PDS5B: variants seen among roughly 807,000 people sequenced by gnomAD.
PDS5B encodes the protein sister chromatid cohesion protein PDS5 homolog B.
In PDS5B, 51 loss-of-function variants were observed where a neutral mutation model predicts 184.1. That is an observed-to-expected ratio of 0.28 (90% CI 0.22 to 0.35). The LOEUF (loss-of-function observed/expected upper bound fraction) is 0.35. Among genes scored for constraint, PDS5B ranks in the 10% least tolerant of loss-of-function variants. PDS5B has a pLI of 1.00. For synonymous variants in PDS5B, 566 were observed against 569.2 expected, an observed-to-expected ratio of 0.99 and a Z score of 0.08; for missense variants, 1,180 against 1,723.3, an observed-to-expected ratio of 0.68 and a Z score of 5.58.
In PDS5B at chr13:32,701,361, T is replaced by C; in HGVS notation, c.1779T>C (p.Pro593=). ...ITKKLGNPKQ[P]TNPFLEMIKF... is the part of the protein sequence containing the mutation. ...AGAAGTTGGGCAACCCCAAACAGCC[T>C]ACAAATCCTTTCCTGGAAATGATCA... is the stretch of plus-strand genomic sequence containing the variant. The change falls in exon 17 of 35, where the codon CCT becomes CCC. Residue 593 remains proline (P), a synonymous_variant. Coordinates refer to ENST00000315596, the MANE Select transcript of PDS5B (RefSeq NM_015032.4). 1 of 1,612,730 alleles carries C rather than the reference T, an allele frequency of 6.2e-7. No homozygotes were observed. Among genetic ancestry groups the C allele is most frequent in the Non-Finnish European group, 8.5e-7 (1 of 1,178,978 alleles).
intron 17 of PDS5B, 102 bp from the exon 18 acceptor site, chr13:32,706,832 G>A (rs1293956895): frequency 5.9e-6 from 3 of 510,852 alleles, no homozygotes; most frequent in East Asian, 3.3e-5. Flanking sequence ...TATTTGGTTC[G>A]GATATGTATA....
intron 1 of PDS5B, among the ~76,000 whole-genome samples, chr13:32,608,730 T>G (rs949106225): frequency 3.3e-5 from 5 of 152,178 alleles, no homozygotes; most frequent in African/African-American, 1.2e-4. Flanking sequence ...TGGCACACTT[T>G]ACCATGGAAC....
intron 31 of PDS5B, among the ~76,000 whole-genome samples, chr13:32,765,334 A>T (rs1954550444): frequency 6.6e-6 from 1 of 152,240 alleles, no homozygotes; most frequent in African/African-American, 2.4e-5. Flanking sequence ...TAAGTGACTT[A>T]GCCAAAATGA....
rs913634070 is a variant in PDS5B, at chr13:32,678,923, T to C, written c.1051T>C (p.Leu351=). The C allele has an allele frequency of 3.3e-6, 5 of 1,536,332 alleles. No individual in the cohort carries two copies. Among genetic ancestry groups the C allele is most frequent in the Admixed American group, 3.3e-5 (2 of 59,914 alleles). ...LMNHPDLAKD[L]TEYLKVRSHD... ...GAACCATCCTGATTTAGCAAAAGAC[T>C]TAACAGGTACTATATATATGTAACA... The change falls in exon 10 of 35, where the codon TTA becomes CTA. Residue 351 remains leucine, a synonymous_variant. Transcript: ENST00000315596.
At chr13:32,732,072 A>G (rs769899979) in intron 19 of PDS5B, 29 bp from the exon 20 acceptor site, 17 of 1,568,564 alleles carry the variant, frequency 1.1e-5, no homozygotes, top group Non-Finnish European at 1.5e-5. Flanking sequence ...TTTCTGGTTT[A>G]TTGTTTTTCT....
At chr13:32,618,876 T>C (rs1288059106) in intron 1 of PDS5B, among the ~76,000 whole-genome samples, 1 of 152,166 alleles carries the variant, frequency 6.6e-6, no homozygotes, top group Non-Finnish European at 1.5e-5. Context: ...CTTTTTGCCA[T>C]ATGGATAGTT....
intron 1 of PDS5B, among the ~76,000 whole-genome samples, chr13:32,642,101 T>C (rs1396038084): frequency 2.0e-5 from 3 of 152,242 alleles, no homozygotes; most frequent in Non-Finnish European, 4.4e-5. Flanking sequence ...ATCAGTTTTC[T>C]TGTTTTGTAG....
chr13:32,750,485 G>A (rs1209330913), intron 24 of PDS5B, among the ~76,000 whole-genome samples: 1 of 152,060 alleles, frequency 6.6e-6, no homozygotes, highest in Non-Finnish European at 1.5e-5. Flanking sequence ...GAGTATGAGG[G>A]TAGATAACTT....
chr13:32,668,635 T>G (rs1950860192), intron 7 of PDS5B, among the ~76,000 whole-genome samples: 1 of 152,148 alleles, frequency 6.6e-6, no homozygotes, highest in Non-Finnish European at 1.5e-5. Context: ...GTGTAACAGT[T>G]CAGTCCCTCC....
intron 24 of PDS5B, among the ~76,000 whole-genome samples, chr13:32,746,473 A>G (rs1953746661): frequency 6.6e-6 from 1 of 152,162 alleles, no homozygotes; most frequent in Non-Finnish European, 1.5e-5. Flanking sequence ...TTTAAAGACT[A>G]TTTATTATAT....
At chr13:32,648,716 T>C in intron 1 of PDS5B, 38 bp from the exon 2 acceptor site, 1 of 800,476 alleles carries the variant, frequency 1.2e-6, no homozygotes. Context: ...TGTTTATATC[T>C]ATTTTTTGGT....
chr13:32,696,665 A>G (rs1951716112), intron 14 of PDS5B, among the ~76,000 whole-genome samples, 189 bp from the exon 15 acceptor site: 1 of 152,158 alleles, frequency 6.6e-6, no homozygotes, highest in Admixed American at 6.5e-5. Context: ...AAAGTAGAGA[A>G]GGAGTTTACT....
chr13:32,602,596 G>A (rs536968303), intron 1 of PDS5B, among the ~76,000 whole-genome samples: 6 of 152,082 alleles, frequency 3.9e-5, no homozygotes, highest in Admixed American at 1.3e-4. Flanking sequence ...ACTTATAATC[G>A]TTTGGGTATA....
chr13:32,750,552 C>CT (rs985475400), intron 24 of PDS5B, among the ~76,000 whole-genome samples: 9 of 151,970 alleles, frequency 5.9e-5, no homozygotes, highest in African/African-American at 2.2e-4. Flanking sequence ...TTCCCCCCTC[C>CT]TCCCCCCAAA....
chr13:32,736,833 TTTG>T (rs1420519776), intron 21 of PDS5B, among the ~76,000 whole-genome samples: 4 of 152,110 alleles, frequency 2.6e-5, no homozygotes, highest in African/African-American at 7.2e-5. Context: ...TGCTTCAGTT[TTTG>T]TTTTTTTTCT....
chr13:32,595,938 G>T (rs1009046088), intron 1 of PDS5B, among the ~76,000 whole-genome samples: 1 of 152,132 alleles, frequency 6.6e-6, no homozygotes, highest in Admixed American at 6.6e-5. Flanking sequence ...TCAGCGCATT[G>T]TAGATGATGA....
rs117964962 is a variant in PDS5B, at chr13:32,773,328, T to G, written c.4308+4T>G. ...GGAGGAAGTTTCTACAGTAAATGTA[T>G]GTGTTCAAAGTTTCTGTGAGTGGTG... On this transcript the variant is annotated splice_donor_region_variant and intron_variant, in intron 34 of 34. Coordinates refer to ENST00000315596, the MANE Select transcript of PDS5B (RefSeq NM_015032.4). The G allele has an allele frequency of 1.2e-4, 194 of 1,607,978 alleles. 1 individual carries two copies. The East Asian group carries it at 4.2e-3, about 35-fold the overall frequency.
chr13:32,701,951 T>C (rs1951874367), intron 17 of PDS5B, among the ~76,000 whole-genome samples: 1 of 152,098 alleles, frequency 6.6e-6, no homozygotes, highest in Non-Finnish European at 1.5e-5. Context: ...CTGTGAGAAG[T>C]TGGAAACATT....
chr13:32,624,169 C>T (rs373107228), intron 1 of PDS5B, among the ~76,000 whole-genome samples: 1 of 152,094 alleles, frequency 6.6e-6, no homozygotes, highest in Non-Finnish European at 1.5e-5. Context: ...TTGATGTTGC[C>T]TAGCATTTTA....
Sources: gnomAD v4.1 joint callset for allele counts (sites outside exome capture counted in the v4.1 genomes callset) on GRCh38, gnomAD v4.1.1 for gene constraint, MANE v1.5 for transcripts, NCBI Gene and HGNC (gene_info 2026-07-23, HGNC 2026-07-21) for gene names.